NAALADL2: variants seen among roughly 807,000 people sequenced by gnomAD.
NAALADL2 encodes N-acetylated alpha-linked acidic dipeptidase like 2, also known as inactive N-acetylated-alpha-linked acidic dipeptidase-like protein 2.
In NAALADL2, 76 loss-of-function variants were observed where a neutral mutation model predicts 87.2. The observed-to-expected ratio is 0.87, with a 90% CI of 0.72 to 1.05. NAALADL2 has a LOEUF of 1.05. Ranked by LOEUF, NAALADL2 falls within the 50% of genes least tolerant of loss-of-function variation. The pLI, the probability that NAALADL2 is intolerant of heterozygous loss-of-function variation, is 0.00. For missense variants in NAALADL2, 1,089 were observed against 945.8 expected (o/e 1.15, Z -1.99); for synonymous variants, 354 against 331.0 (o/e 1.07, Z -0.75).
In NAALADL2 at chr3:174,560,550, T is replaced by C. The variant is rs76503811; in HGVS notation, c.-115+9913T>C. Reference sequence around the variant, plus strand: ...AGTAGCTAAAAAAATTTTAGATGGATAATAGTTTTATAAACTTGCAAACCT... The same window carrying C: ...AGTAGCTAAAAAAATTTTAGATGGACAATAGTTTTATAAACTTGCAAACCT... On this transcript the variant is annotated intron_variant, in intron 2 of 3. Transcript: ENST00000434257. 5.8e-3 allele frequency among the ~76,000 whole-genome samples: 883 copies of C among 152,320 alleles called. 9 individuals carry two copies. Among genetic ancestry groups the C allele is most frequent in the African/African-American group, 0.02 (851 of 41,572 alleles).
chr3:175,133,125 G>A (rs1728447575), intron 2 of NAALADL2, among the ~76,000 whole-genome samples: 1 of 150,154 alleles, frequency 6.7e-6, no homozygotes, highest in Non-Finnish European at 1.5e-5. Context: ...CAGACGATGG[G>A]CGGCCGGGCA....
intron 2 of NAALADL2, 144 bp downstream of exon 2, chr3:175,097,435 A>G: frequency 1.3e-6 from 1 of 759,316 alleles, no homozygotes; most frequent in East Asian, 2.5e-5. Context: ...TAGAAACTTC[A>G]AAGAGGGGAG....
At chr3:175,054,089 C>G (rs1025508138) in intron 1 of NAALADL2, among the ~76,000 whole-genome samples, 1 of 152,164 alleles carries the variant, frequency 6.6e-6, no homozygotes, top group Non-Finnish European at 1.5e-5. Context: ...GTGGAATGAA[C>G]CACGTATGAA....
chr3:175,671,485 CTA>C (rs1733997192), intron 11 of NAALADL2, among the ~76,000 whole-genome samples: 1 of 151,920 alleles, frequency 6.6e-6, no homozygotes, highest in African/African-American at 2.4e-5. Context: ...CAGGTGACAT[CTA>C]TTGTTATATG....
Position 174,748,615 on chromosome 3 carries a change from G to A in NAALADL2, c.-9+10869G>A, listed in dbSNP as rs145796980. ...AATGAGCAAAGTCCAGTTATTATTT[G>A]GAAAAGATGCCAGCATTGTTTTGTG... On this transcript the variant is annotated intron_variant, in intron 3 of 3. Coordinates refer to the NAALADL2 transcript ENST00000434257. Among the ~76,000 whole-genome samples the A allele has an allele frequency of 7.7e-3, 1,166 of 152,166 alleles. 16 individuals are homozygous for A. The highest frequency in any genetic ancestry group is 0.027 in the Middle Eastern group (8 of 294).
intron 2 of NAALADL2, among the ~76,000 whole-genome samples, chr3:175,160,753 G>A (rs1733078026): frequency 6.6e-6 from 1 of 151,988 alleles, no homozygotes; most frequent in South Asian, 2.1e-4. Context: ...TTATAATCTG[G>A]AATAGTCTCT....
chr3:175,644,888 C>G (rs1225872376), intron 11 of NAALADL2, among the ~76,000 whole-genome samples: 1 of 152,018 alleles, frequency 6.6e-6, no homozygotes, highest in Non-Finnish European at 1.5e-5. Flanking sequence ...ATTGCAATAG[C>G]AAACAATTGA....
At chr3:175,337,427 C>T (rs552620278) in intron 5 of NAALADL2, among the ~76,000 whole-genome samples, 3 of 152,178 alleles carry the variant, frequency 2.0e-5, no homozygotes, top group South Asian at 2.1e-4. Context: ...CTTTTAAAAG[C>T]CAATGAAGTT....
At chr3:174,594,047 GT>G (rs1717642257) in intron 2 of NAALADL2, among the ~76,000 whole-genome samples, 1 of 152,088 alleles carries the variant, frequency 6.6e-6, no homozygotes, top group African/African-American at 2.4e-5. Context: ...AAATTCAATG[GT>G]TCACTTGTTT....
At chr3:174,449,846 C>T (rs1343781626) in intron 1 of NAALADL2, among the ~76,000 whole-genome samples, 1 of 152,054 alleles carries the variant, frequency 6.6e-6, no homozygotes, top group African/African-American at 2.4e-5. Flanking sequence ...GCAAAGAATT[C>T]CTGCCTCTCT....
At chr3:174,975,888 C>T (rs1348314528) in intron 1 of NAALADL2, among the ~76,000 whole-genome samples, 1 of 152,116 alleles carries the variant, frequency 6.6e-6, no homozygotes, top group Non-Finnish European at 1.5e-5. Flanking sequence ...ACTCCTAAGT[C>T]CAAATGAGAA....
chr3:175,759,411 G>A (rs1266861865), intron 13 of NAALADL2, among the ~76,000 whole-genome samples: 1 of 150,100 alleles, frequency 6.7e-6, no homozygotes, highest in Non-Finnish European at 1.5e-5. Flanking sequence ...AGGGTGGAGT[G>A]CAGTGGCACA....
At chr3:175,208,741 A>G (rs1446136086) in intron 2 of NAALADL2, among the ~76,000 whole-genome samples, 1 of 152,178 alleles carries the variant, frequency 6.6e-6, no homozygotes, top group African/African-American at 2.4e-5. Flanking sequence ...ATAGAAAGGA[A>G]ATAAATAATA....
At chr3:174,589,481 G>T (rs1260464472) in intron 2 of NAALADL2, among the ~76,000 whole-genome samples, 2 of 152,160 alleles carry the variant, frequency 1.3e-5, no homozygotes, top group Non-Finnish European at 1.5e-5. Context: ...GACTGGAGCT[G>T]TTCCTATTCG....
At chr3:174,738,414 T>C (rs1733420868) in intron 3 of NAALADL2, among the ~76,000 whole-genome samples, 1 of 152,202 alleles carries the variant, frequency 6.6e-6, no homozygotes, top group South Asian at 2.1e-4. Flanking sequence ...CATCTCTTGC[T>C]TTCAAATGTA....
intron 1 of NAALADL2, among the ~76,000 whole-genome samples, chr3:174,442,989 T>G (rs1449438860): frequency 1.3e-5 from 2 of 152,114 alleles, no homozygotes; most frequent in Non-Finnish European, 2.9e-5. Context: ...GAAGCTTGTG[T>G]AGCTGAAGTG....
intron 1 of NAALADL2, among the ~76,000 whole-genome samples, chr3:174,522,108 A>G (rs1481607292): frequency 5.3e-5 from 8 of 152,196 alleles, no homozygotes; most frequent in Middle Eastern, 3.4e-3. Context: ...CAAAAGAAAA[A>G]AATAAAGCCA....
At chr3:175,777,243 A>G (rs1689799051) in intron 13 of NAALADL2, among the ~76,000 whole-genome samples, 1 of 151,980 alleles carries the variant, frequency 6.6e-6, no homozygotes, top group Non-Finnish European at 1.5e-5. Context: ...TAAATCCAAA[A>G]GCAGTTAAGA....
rs966519733 is a variant in NAALADL2, at chr3:174,558,378, T to C, written c.-115+7741T>C. On this transcript the variant is annotated intron_variant, in intron 2 of 3. Coordinates refer to the NAALADL2 transcript ENST00000434257. ...GGGGATGGTTTTAGGATGATTCAAG[T>C]GCATTCCTATTATTATTACATTGTA... 2.6e-5 allele frequency among the ~76,000 whole-genome samples: 4 copies of C among 152,158 alleles called. No homozygotes were observed. The East Asian group carries it at 7.7e-4, about 29-fold the overall frequency.
Sources: allele counts gnomAD v4.1 joint callset (sites outside exome capture counted in the v4.1 genomes callset), GRCh38; gene constraint gnomAD v4.1.1; transcripts MANE v1.5; gene names NCBI Gene and HGNC (gene_info 2026-07-23, HGNC 2026-07-21).